The following HDAC9 variants were observed in gnomAD, a reference collection of about 807,000 sequenced individuals.
HDAC9 encodes histone deacetylase 9.
Under a neutral mutation model 139.4 loss-of-function variants are expected in HDAC9, and 41 were observed. The ratio of observed to expected loss-of-function variants is 0.29; its 90% CI spans 0.23 to 0.38. HDAC9 has a LOEUF of 0.38. Among genes scored for constraint, HDAC9 ranks in the 10% least tolerant of loss-of-function variants. HDAC9 has a pLI of 1.00. For synonymous variants in HDAC9, 517 were observed against 476.2 expected, an observed-to-expected ratio of 1.09 and a Z score of -1.12; for missense variants, 1,147 against 1,297.0, an observed-to-expected ratio of 0.88 and a Z score of 1.78.
chr7:18,845,308 G>A (rs576741629), intron 21 of HDAC9, among the ~76,000 whole-genome samples: 24 of 152,180 alleles, frequency 1.6e-4, no homozygotes, highest in African/African-American at 5.5e-4. Flanking sequence ...GAGAGGGTGA[G>A]TCTGGCACAG....
intron 1 of HDAC9, among the ~76,000 whole-genome samples, chr7:18,356,362 T>TTTC (rs1585338834): frequency 7.8e-6 from 1 of 128,354 alleles, no homozygotes; most frequent in Non-Finnish European, 1.7e-5. Flanking sequence ...ACATAGGTTT[T>TTTC]TTTTTTTTTT....
At chr7:18,642,520 G>A (rs1036382868) in intron 8 of HDAC9, among the ~76,000 whole-genome samples, 14 of 152,058 alleles carry the variant, frequency 9.2e-5, no homozygotes, top group African/African-American at 2.4e-4. Flanking sequence ...TTTCCTCATC[G>A]ACAGCATGAG....
At chr7:18,370,370 A>C (rs11764536) in intron 1 of HDAC9, among the ~76,000 whole-genome samples, 2,128 of 152,304 alleles carry the variant, frequency 0.014, 25 homozygotes, top group Middle Eastern at 0.024. Flanking sequence ...GACATTGCTG[A>C]AAACATTAAT....
At chr7:18,291,907 T>G (rs1466695321) in intron 1 of HDAC9, among the ~76,000 whole-genome samples, 1 of 152,090 alleles carries the variant, frequency 6.6e-6, no homozygotes, top group Non-Finnish European at 1.5e-5. Flanking sequence ...AATGTCTGTT[T>G]GGAGGGGCGC....
At chr7:18,163,060 T>A (rs1787757911) in intron 2 of HDAC9, among the ~76,000 whole-genome samples, 1 of 152,208 alleles carries the variant, frequency 6.6e-6, no homozygotes, top group African/African-American at 2.4e-5. Context: ...AGCATTTATT[T>A]CTTTATAGAT....
chr7:18,619,879 C>A (rs1170896473), intron 6 of HDAC9, among the ~76,000 whole-genome samples: 2 of 152,136 alleles, frequency 1.3e-5, no homozygotes, highest in Non-Finnish European at 2.9e-5. Context: ...CCCACCTTTA[C>A]CTGTCAACAT....
At chr7:18,696,628 C>A (rs192725050) in intron 12 of HDAC9, among the ~76,000 whole-genome samples, 1 of 152,040 alleles carries the variant, frequency 6.6e-6, no homozygotes, top group Non-Finnish European at 1.5e-5. Context: ...TCACCACGCC[C>A]AGCTAATTGT....
intron 21 of HDAC9, among the ~76,000 whole-genome samples, chr7:18,869,078 A>C (rs1190116855): frequency 2.0e-5 from 3 of 151,950 alleles, no homozygotes; most frequent in African/African-American, 7.3e-5. Context: ...GCTCTAGCAA[A>C]TTAATCCAAC....
At chr7:18,307,094 T>C (rs1325972445) in intron 1 of HDAC9, among the ~76,000 whole-genome samples, 1 of 130,288 alleles carries the variant, frequency 7.7e-6, no homozygotes, top group Non-Finnish European at 1.6e-5. Flanking sequence ...AGGAGGGCAG[T>C]TCTTGTGTGT....
chr7:18,644,358 G>T (rs1287955709), intron 8 of HDAC9, among the ~76,000 whole-genome samples: 3 of 152,006 alleles, frequency 2.0e-5, no homozygotes, highest in Non-Finnish European at 4.4e-5. Context: ...ATACTAATCA[G>T]AATTATCCAA....
At chr7:18,504,768 C>T (rs1799306341) in intron 2 of HDAC9, among the ~76,000 whole-genome samples, 1 of 152,110 alleles carries the variant, frequency 6.6e-6, no homozygotes. Flanking sequence ...GTTGTTGCAG[C>T]AATATTGGTG....
Position 18,593,939 on chromosome 7 carries a change from T to C in HDAC9, c.574T>C (p.Ser192Pro). Residue 192 changes from serine (S) to proline (P), a missense_variant, in exon 6 of 26, where the codon TCT (serine) becomes CCT (proline). Ser to Pro is a moderately conservative substitution (Grantham distance 74, BLOSUM62 -1). Around this residue, in one of 7 missense-constraint regions of HDAC9, gnomAD observed 79 missense variants for 65.8 expected, o/e 1.20. Coordinates refer to ENST00000686413, the MANE Select transcript of HDAC9 (RefSeq NM_178425.4). Reference protein sequence around the residue: ...AAHHTSLDQSSPPLSGTSPSY... With the variant: ...AAHHTSLDQSPPPLSGTSPSY... ...CCACCACACATCATTGGATCAAAGCTCTCCACCCCTTAGTGGAACATCTCC... is the reference window on the plus strand; with the variant it reads ...CCACCACACATCATTGGATCAAAGCCCTCCACCCCTTAGTGGAACATCTCC... 1 of 1,612,790 alleles carries C rather than the reference T, an allele frequency of 6.2e-7. No individual in the cohort carries two copies. Among genetic ancestry groups the C allele is most frequent in the Non-Finnish European group, 8.5e-7 (1 of 1,179,024 alleles).
intron 1 of HDAC9, among the ~76,000 whole-genome samples, chr7:18,422,658 G>T (rs1789732308): frequency 6.6e-6 from 1 of 151,664 alleles, no homozygotes; most frequent in African/African-American, 2.4e-5. Context: ...GGAAAGGAAG[G>T]AATCACTGTG....
intron 1 of HDAC9, among the ~76,000 whole-genome samples, chr7:18,135,295 CT>C (rs201182077): frequency 1.9e-3 from 239 of 128,114 alleles, no homozygotes; most frequent in East Asian, 8.9e-3. Context: ...TTACCATATT[CT>C]TTTTTTTTTC....
intron 21 of HDAC9, among the ~76,000 whole-genome samples, chr7:18,872,166 C>G (rs6951144): frequency 0.48 from 73,125 of 151,890 alleles, 18,735 homozygotes; most frequent in African/African-American, 0.67. Context: ...ATATTTTTAA[C>G]TGAAAGGATT....
At chr7:18,516,038 A>G (rs763689167) in intron 2 of HDAC9, among the ~76,000 whole-genome samples, 5 of 152,230 alleles carry the variant, frequency 3.3e-5, no homozygotes, top group Admixed American at 1.3e-4. Flanking sequence ...ATGAATATTA[A>G]CTACGTCATA....
intron 1 of HDAC9, among the ~76,000 whole-genome samples, chr7:18,454,952 G>A (rs371173729): frequency 9.2e-5 from 14 of 152,072 alleles, no homozygotes; most frequent in South Asian, 4.1e-4. Context: ...GGAGGATGGC[G>A]TCAGAATTTA....
At chr7:18,730,150 G>C (rs898867582) in intron 13 of HDAC9, among the ~76,000 whole-genome samples, 3 of 151,910 alleles carry the variant, frequency 2.0e-5, no homozygotes, top group African/African-American at 7.3e-5. Context: ...ACTGGCATTG[G>C]GATTAAAATA....
intron 2 of HDAC9, among the ~76,000 whole-genome samples, chr7:18,261,024 C>T (rs962923008): frequency 1.3e-5 from 2 of 152,104 alleles, no homozygotes; most frequent in African/African-American, 4.8e-5. Flanking sequence ...TCTGGCATGG[C>T]TGGCTCTGGG....
Sources: allele counts gnomAD v4.1 joint callset (sites outside exome capture counted in the v4.1 genomes callset), GRCh38; gene constraint gnomAD v4.1.1; regional missense constraint gnomAD v4.1.1; transcripts MANE v1.5; gene names NCBI Gene and HGNC (gene_info 2026-07-23, HGNC 2026-07-21).